Variants in PCDHA1 observed in about 807,000 individuals in gnomAD.
The protein encoded by PCDHA1 is protocadherin alpha-1.
Under a neutral mutation model 61.3 loss-of-function variants are expected in PCDHA1, and 42 were observed. The observed-to-expected ratio is 0.69, with a 90% confidence interval of 0.54 to 0.89. The LOEUF (loss-of-function observed/expected upper bound fraction) is 0.89, where lower values mean the gene tolerates loss of function less well. Ranked by LOEUF, PCDHA1 falls within the 40% of genes least tolerant of loss-of-function variation. PCDHA1 has a pLI of 0.00. For synonymous variants in PCDHA1, 610 were observed against 553.8 expected, an observed-to-expected ratio of 1.10 and a Z score of -1.43; for missense variants, 1,256 against 1,235.3, an observed-to-expected ratio of 1.02 and a Z score of -0.25.
rs2093299605 is a variant in PCDHA1 at position 140,942,442 on chromosome 5, TA to T, written c.2395-36504del. 4.0e-5 allele frequency among the ~76,000 whole-genome samples: 6 copies of T among 151,626 alleles called. No homozygotes were observed. In the South Asian group the frequency reaches 1.2e-3, roughly 31 times the overall value. ...AAAAAGATATCTAACAATAAACAAG[TA>T]AACTATCAATTATAATACAATCAAA... On this transcript the variant is annotated intron_variant, in intron 1 of 3. Coordinates refer to ENST00000504120, the MANE Select transcript of PCDHA1 (RefSeq NM_018900.4).
At chr5:140,843,005 G>A (rs1562406385) in intron 1 of PCDHA1, 5 of 1,594,914 alleles carry the variant, frequency 3.1e-6, no homozygotes, top group Non-Finnish European at 3.4e-6. Flanking sequence ...GAATGACAAC[G>A]CGCCGGCACT....
intron 1 of PCDHA1, chr5:140,926,329 A>G (rs1435633972): frequency 6.6e-6 from 1 of 152,150 alleles, no homozygotes; most frequent in Non-Finnish European, 1.5e-5. Flanking sequence ...CCGGGGTCAG[A>G]GCGCCGGGAC....
chr5:140,829,233 C>T, intron 1 of PCDHA1: 1 of 1,614,254 alleles, frequency 6.2e-7, no homozygotes, highest in Non-Finnish European at 8.5e-7. Context: ...GATTCAGGTG[C>T]CAACGGGCAG....
At chr5:140,796,676 G>A in intron 1 of PCDHA1, 1 of 1,613,912 alleles carries the variant, frequency 6.2e-7, no homozygotes, top group Non-Finnish European at 8.5e-7. Context: ...CCTAGGGCTG[G>A]CACCGCTGCT....
intron 3 of PCDHA1, among the ~76,000 whole-genome samples, chr5:141,000,416 TA>T (rs1479552208): frequency 1.6e-3 from 150 of 93,344 alleles, no homozygotes; most frequent in Non-Finnish European, 2.1e-3. Flanking sequence ...TATATATATA[TA>T]TATATTTTTT....
At chr5:140,806,992 T>A in intron 1 of PCDHA1, 1 of 670,820 alleles carries the variant, frequency 1.5e-6, no homozygotes, top group Admixed American at 2.9e-5. Flanking sequence ...AGCCACATGA[T>A]GTCGCTCTTT....
At chr5:140,829,835 C>T (rs2150175737) in intron 1 of PCDHA1, 4 of 1,613,904 alleles carry the variant, frequency 2.5e-6, no homozygotes, top group Non-Finnish European at 3.4e-6. Flanking sequence ...CGAGCTGGTG[C>T]CGCGGTCACT....
chr5:140,839,214 T>TG (rs2150295462), intron 1 of PCDHA1, among the ~76,000 whole-genome samples: 88,381 of 151,600 alleles, frequency 0.58, 26,863 homozygotes, highest in African/African-American at 0.73. Context: ...CCTTCAAAGA[T>TG]GTAACTGTAA....
In PCDHA1 at chr5:140,842,887, G is replaced by T; in HGVS notation, c.2394+54203G>T. On this transcript the variant is annotated intron_variant, in intron 1 of 3. Coordinates refer to ENST00000504120, the MANE Select transcript of PCDHA1 (RefSeq NM_018900.4). ...GCGGCAAGGTGTACGCGCTGCAGCC[G>T]CTGGACCACGAGGAGCTAGAGCTGC... The T allele has an allele frequency of 7.5e-6, 12 of 1,594,194 alleles. 3 individuals are homozygous for T. The highest frequency in any genetic ancestry group is 1.1e-5 in the South Asian group (1 of 90,454).
In PCDHA1 at chr5:140,971,294, T is replaced by C. The variant is rs3776113; in HGVS notation, c.2395-7655T>C. Reference sequence around the variant, plus strand: ...CTGACCTGTATATTAATATGTACTTTGGTACACAAACATTTAATCTAGGGA... The same window carrying C: ...CTGACCTGTATATTAATATGTACTTCGGTACACAAACATTTAATCTAGGGA... On this transcript the variant is annotated intron_variant, in intron 1 of 3. Transcript: ENST00000504120. Among the ~76,000 whole-genome samples the C allele has an allele frequency of 6.4e-4, 97 of 152,362 alleles. No individual in the cohort carries two copies. In the East Asian group the frequency reaches 0.018, roughly 28 times the overall value.
chr5:140,862,412 G>C (rs536653894), intron 1 of PCDHA1: 92 of 349,964 alleles, frequency 2.6e-4, no homozygotes, highest in Middle Eastern at 1.0e-3. Flanking sequence ...ACCTTCAAAA[G>C]GCGCTGCCCA....
chr5:140,796,353 C>T, intron 1 of PCDHA1: 1 of 1,611,956 alleles, frequency 6.2e-7, no homozygotes, highest in Non-Finnish European at 8.5e-7. Flanking sequence ...ACACAGTATT[C>T]GTGAAGGAGA....
Position 140,805,425 on chromosome 5 carries a change from T to C in PCDHA1, c.2394+16741T>C, listed in dbSNP as rs1036330822. On this transcript the variant is annotated intron_variant, in intron 1 of 3. Coordinates refer to ENST00000504120, the MANE Select transcript of PCDHA1 (RefSeq NM_018900.4). ...CAGAAATTTGGTGGGTTTTTTGTTG[T>C]TGTTTTGGTTTTTGTGTGTGTGTGT... is the stretch of plus-strand genomic sequence containing the variant. 4 of 1,058,842 alleles carry C rather than the reference T, an allele frequency of 3.8e-6. No individual in the cohort carries two copies. In the Admixed American group the frequency reaches 1.7e-4, roughly 44 times the overall value. The allele number at this position is 1,058,842 out of a possible 1,614,324, so 65.6% of individuals were successfully genotyped here.
rs558900138 is a variant in PCDHA1, at chr5:140,898,510, C to T, written c.2395-80439C>T. On this transcript the variant is annotated intron_variant, in intron 1 of 3. Coordinates refer to ENST00000504120, the MANE Select transcript of PCDHA1 (RefSeq NM_018900.4). ...AGATCAGATAGTTGTAGATATGCGG[C>T]GTTATTTCTGAGGGCTCTGTTCTGT... Among the ~76,000 whole-genome samples, 9 of 152,196 alleles carry T rather than the reference C, an allele frequency of 5.9e-5. No homozygotes were observed. In the South Asian group the frequency reaches 6.2e-4, roughly 11 times the overall value.
chr5:140,871,234 G>T (rs1554165295), intron 1 of PCDHA1: 3 of 1,613,844 alleles, frequency 1.9e-6, no homozygotes, highest in Non-Finnish European at 2.5e-6. Flanking sequence ...CAGCCTCCTG[G>T]TACTCACGCT....
intron 1 of PCDHA1, chr5:140,877,387 G>A: frequency 6.2e-7 from 1 of 1,614,010 alleles, no homozygotes; most frequent in Non-Finnish European, 8.5e-7. Flanking sequence ...CATCCTGGAT[G>A]AGGCGGACGC....
chr5:140,838,474 T>C (rs1775747534), intron 1 of PCDHA1, among the ~76,000 whole-genome samples: 1 of 151,866 alleles, frequency 6.6e-6, no homozygotes, highest in Admixed American at 6.6e-5. Flanking sequence ...CGCTTATTCC[T>C]TGTTTTTGAT....
At chr5:140,919,516 A>G (rs1207061379) in intron 1 of PCDHA1, among the ~76,000 whole-genome samples, 2 of 152,078 alleles carry the variant, frequency 1.3e-5, no homozygotes. Flanking sequence ...TATATGTTTT[A>G]ATTCTCTTTT....
Position 141,009,978 on chromosome 5 carries a change from A to G in PCDHA1, c.*41A>G. On this transcript the variant is annotated 3_prime_UTR_variant, in exon 4 of 4. Coordinates refer to ENST00000504120, the MANE Select transcript of PCDHA1 (RefSeq NM_018900.4). Reference sequence around the variant, plus strand: ...ACAAGCCACTTAGCCAGTTTTTGTAATAATGGCAAATCTCTCCCATGTAGC... The same window carrying G: ...ACAAGCCACTTAGCCAGTTTTTGTAGTAATGGCAAATCTCTCCCATGTAGC... 2 of 1,583,512 alleles carry G rather than the reference A, an allele frequency of 1.3e-6. No homozygotes were observed. Among genetic ancestry groups the G allele is most frequent in the Non-Finnish European group, 1.7e-6 (2 of 1,168,204 alleles).
Sources: gnomAD v4.1 joint callset for allele counts (sites outside exome capture counted in the v4.1 genomes callset) on GRCh38, gnomAD v4.1.1 for gene constraint, MANE v1.5 for transcripts, NCBI Gene and HGNC (gene_info 2026-07-23, HGNC 2026-07-21) for gene names.